Variants in ADGRB3 observed in about 807,000 individuals in gnomAD.
ADGRB3 encodes adhesion G protein-coupled receptor B3, also known as brain-specific angiogenesis inhibitor 3.
A neutral mutation model predicts 193.4 loss-of-function variants in ADGRB3; 37 were observed. The observed-to-expected ratio is 0.19, with a 90% CI of 0.15 to 0.25. The LOEUF (loss-of-function observed/expected upper bound fraction) is 0.25. Among genes scored for constraint, ADGRB3 ranks in the 10% least tolerant of loss-of-function variants. The pLI is 1.00. For synonymous variants in ADGRB3, 690 were observed against 644.2 expected (o/e 1.07, Z -1.08); for missense variants, 1,637 against 1,852.9 (o/e 0.88, Z 2.14).
At chr6:69,063,221 C>A (rs1259525564) in intron 16 of ADGRB3, among the ~76,000 whole-genome samples, 185 bp downstream of exon 16, 1 of 151,850 alleles carries the variant, frequency 6.6e-6, no homozygotes, top group Non-Finnish European at 1.5e-5. Context: ...TGATAAAATT[C>A]TCTTCAATTT....
At chr6:68,892,183 G>A (rs1176976612) in intron 3 of ADGRB3, among the ~76,000 whole-genome samples, 1 of 148,982 alleles carries the variant, frequency 6.7e-6, no homozygotes, top group Non-Finnish European at 1.5e-5. Flanking sequence ...CAGCCATCAA[G>A]TGTCATCTCT....
chr6:68,702,682 C>T (rs1275878117), intron 3 of ADGRB3, among the ~76,000 whole-genome samples: 1 of 151,890 alleles, frequency 6.6e-6, no homozygotes, highest in Non-Finnish European at 1.5e-5. Flanking sequence ...TATTAGAGCC[C>T]CCTAATATTT....
chr6:68,752,275 C>CTTTT (rs66760335), intron 3 of ADGRB3, among the ~76,000 whole-genome samples: 1 of 129,292 alleles, frequency 7.7e-6, no homozygotes. Flanking sequence ...GCAGAATATT[C>CTTTT]TTTTTTTTTT....
intron 11 of ADGRB3, among the ~76,000 whole-genome samples, chr6:68,998,506 A>C (rs1385192642): frequency 6.6e-6 from 1 of 152,244 alleles, no homozygotes; most frequent in Non-Finnish European, 1.5e-5. Context: ...ACCAAATTCC[A>C]TTAAAATGGG....
At chr6:69,031,479 A>G (rs1343848833) in intron 13 of ADGRB3, among the ~76,000 whole-genome samples, 2 of 116,200 alleles carry the variant, frequency 1.7e-5, no homozygotes, top group Admixed American at 9.1e-5. Flanking sequence ...TTACATGTTA[A>G]CATGTAGACC....
intron 3 of ADGRB3, among the ~76,000 whole-genome samples, chr6:68,763,539 T>C (rs1335301466): frequency 6.6e-6 from 1 of 152,166 alleles, no homozygotes; most frequent in East Asian, 1.9e-4. Context: ...ATACCTATGT[T>C]TTGCTCATAT....
At chr6:69,048,127 C>A in intron 13 of ADGRB3, 58 bp from the exon 14 acceptor site, 1 of 1,529,796 alleles carries the variant, frequency 6.5e-7, no homozygotes, top group East Asian at 2.3e-5. Context: ...TTGATCAACA[C>A]TGATTACACT....
chr6:69,332,247 G>T (rs1768747739), intron 23 of ADGRB3: 1 of 985,134 alleles, frequency 1.0e-6, no homozygotes, highest in African/African-American at 1.7e-5. Flanking sequence ...CATGTATCAT[G>T]CAAAAGACCT....
At chr6:69,203,529 C>T (rs1765477820) in intron 17 of ADGRB3, among the ~76,000 whole-genome samples, 1 of 151,494 alleles carries the variant, frequency 6.6e-6, no homozygotes, top group African/African-American at 2.4e-5. Context: ...GGTAAGAAGT[C>T]ATATCATTGT....
At chr6:69,039,581 A>G (rs1326740242) in intron 13 of ADGRB3, among the ~76,000 whole-genome samples, 1 of 152,156 alleles carries the variant, frequency 6.6e-6, no homozygotes, top group Non-Finnish European at 1.5e-5. Context: ...CAATCTAAAT[A>G]ACAAAAAGAG....
chr6:69,302,635 G>T (rs1767971311), intron 20 of ADGRB3, among the ~76,000 whole-genome samples: 1 of 151,854 alleles, frequency 6.6e-6, no homozygotes, highest in African/African-American at 2.4e-5. Context: ...TCTATGGAAA[G>T]GATTTCAACA....
chr6:69,219,448 A>AATACACACACACGTATATATATATAT (rs1765840793), intron 17 of ADGRB3, among the ~76,000 whole-genome samples: 1 of 106,656 alleles, frequency 9.4e-6, no homozygotes, highest in Admixed American at 1.0e-4. Context: ...TTAACTTAAA[A>AATACACACACACGTATATATATATAT]ATACACACAC....
At chr6:69,368,567 AT>A (rs927413096) in intron 29 of ADGRB3, among the ~76,000 whole-genome samples, 4 of 152,254 alleles carry the variant, frequency 2.6e-5, no homozygotes, top group African/African-American at 9.6e-5. Context: ...GGTATTCAAA[AT>A]CATGGGAATG....
chr6:69,257,112 T>G (rs1766794224), intron 20 of ADGRB3, among the ~76,000 whole-genome samples: 1 of 152,186 alleles, frequency 6.6e-6, no homozygotes, highest in African/African-American at 2.4e-5. Flanking sequence ...TGCCAGTATT[T>G]TATTGAGGAT....
intron 3 of ADGRB3, among the ~76,000 whole-genome samples, chr6:68,735,298 A>G (rs1359440416): frequency 1.3e-5 from 2 of 151,986 alleles, no homozygotes; most frequent in African/African-American, 2.4e-5. Flanking sequence ...ATGTTTGCCT[A>G]TTTTCTGAAA....
chr6:68,748,892 C>G (rs1766137040), intron 3 of ADGRB3, among the ~76,000 whole-genome samples: 1 of 152,180 alleles, frequency 6.6e-6, no homozygotes, highest in Non-Finnish European at 1.5e-5. Context: ...TCCCAAACTT[C>G]AATTCTTAAC....
At chr6:68,814,416 C>A (rs371209351) in intron 3 of ADGRB3, among the ~76,000 whole-genome samples, 1 of 151,996 alleles carries the variant, frequency 6.6e-6, no homozygotes, top group Admixed American at 6.6e-5. Flanking sequence ...TTGTTTTTTT[C>A]TTGTAAATTT....
At chr6:68,687,422 T>G (rs946682974) in intron 3 of ADGRB3, among the ~76,000 whole-genome samples, 2 of 152,130 alleles carry the variant, frequency 1.3e-5, no homozygotes, top group African/African-American at 4.8e-5. Context: ...TTATAATAAT[T>G]TATTATAACA....
chr6:68,787,072 C>G (rs907925277), intron 3 of ADGRB3, among the ~76,000 whole-genome samples: 2 of 152,154 alleles, frequency 1.3e-5, no homozygotes, highest in Non-Finnish European at 1.5e-5. Flanking sequence ...ATGGCGTTTT[C>G]TAGATATACA....
Sources: allele counts gnomAD v4.1 joint callset (sites outside exome capture counted in the v4.1 genomes callset), GRCh38; gene constraint gnomAD v4.1.1; transcripts MANE v1.5; gene names NCBI Gene and HGNC (gene_info 2026-07-23, HGNC 2026-07-21).